The following ITGA11 variants were observed in gnomAD, a reference collection of about 807,000 sequenced individuals.
ITGA11 encodes the protein integrin alpha-11.
In ITGA11, 97 loss-of-function variants were observed where a neutral mutation model predicts 141.9. That is an observed-to-expected ratio of 0.68 (90% CI 0.58 to 0.81). The LOEUF (loss-of-function observed/expected upper bound fraction) is 0.81. ITGA11 is among the 30% of genes least tolerant of loss of function. ITGA11 has a pLI of 0.00. For synonymous variants in ITGA11, 658 were observed against 624.6 expected (o/e 1.05, Z -0.80); for missense variants, 1,387 against 1,559.2 (o/e 0.89, Z 1.86).
intron 1 of ITGA11, among the ~76,000 whole-genome samples, chr15:68,418,946 C>T (rs1049988964): frequency 1.3e-5 from 2 of 152,012 alleles, no homozygotes; most frequent in Non-Finnish European, 2.9e-5. Flanking sequence ...AGGGCTTTCC[C>T]TCAGACGAGA....
At chr15:68,330,486 CT>C (rs34407903) in intron 15 of ITGA11, among the ~76,000 whole-genome samples, 9,827 of 140,642 alleles carry the variant, frequency 0.07, 934 homozygotes, top group African/African-American at 0.23. Context: ...TACTCAAGGT[CT>C]TTTTTTTTTT....
Position 68,308,833 on chromosome 15 carries a change from A to G in ITGA11, c.3175-1137T>C, listed in dbSNP as rs1211116063. ...GAGCTTGCAGCAGCAGATCATTCAT[A>G]TCAATTTGTGAGGAAAAAAAAAATC... is the stretch of plus-strand genomic sequence containing the variant. On this transcript the variant is annotated intron_variant, in intron 26 of 29. Transcript: ENST00000315757. This position sits in a 1 kb window ranked among gnomAD's most constrained non-coding sequence, Gnocchi z 5.2. Among the ~76,000 whole-genome samples the G allele has an allele frequency of 6.6e-6, 1 of 152,224 alleles. No individual in the cohort carries two copies. The highest frequency in any genetic ancestry group is 1.5e-5 in the Non-Finnish European group (1 of 68,046).
intron 2 of ITGA11, among the ~76,000 whole-genome samples, chr15:68,394,984 G>A (rs1896197635): frequency 6.6e-6 from 1 of 152,168 alleles, no homozygotes; most frequent in Non-Finnish European, 1.5e-5. Context: ...CAGAAGACGG[G>A]TGATTTCTGC....
intron 2 of ITGA11, among the ~76,000 whole-genome samples, chr15:68,386,025 T>C (rs1171373852): frequency 1.3e-5 from 2 of 152,058 alleles, no homozygotes; most frequent in East Asian, 1.9e-4. Flanking sequence ...TCTCTGAGAA[T>C]TGGGGTCTTC....
chr15:68,369,361 GT>G, intron 2 of ITGA11, 77 bp from the exon 3 acceptor site: 1 of 588,590 alleles, frequency 1.7e-6, no homozygotes, highest in Non-Finnish European at 2.9e-6. Flanking sequence ...CTGGTGGGCA[GT>G]GTGGAGGTGA....
chr15:68,398,984 T>C (rs1471492761), intron 2 of ITGA11, among the ~76,000 whole-genome samples: 1 of 151,950 alleles, frequency 6.6e-6, no homozygotes, highest in Non-Finnish European at 1.5e-5. Flanking sequence ...CATTTTCCCC[T>C]AAATTTATCC....
At position 68,322,126 on chromosome 15, in the gene ITGA11, G is replaced by A. The variant is rs983646138; in HGVS notation, c.2323-623C>T. On this transcript the variant is annotated intron_variant, in intron 18 of 29. Transcript: ENST00000315757. The surrounding 1 kb of genome is among the most constrained non-coding windows in gnomAD (Gnocchi z 5.6). The stretch of plus-strand genomic sequence containing the variant: ...AGGGGCCCTGGGGCAGGAGCGGGAC[G>A]GTGAGTCTGGGAAATGATAGGTGGG... Among the ~76,000 whole-genome samples, 6 of 152,154 alleles carry A rather than the reference G, an allele frequency of 3.9e-5. No individual in the cohort carries two copies. Among genetic ancestry groups the A allele is most frequent in the African/African-American group, 7.2e-5 (3 of 41,432 alleles).
At chr15:68,426,580 C>A (rs545376181) in intron 1 of ITGA11, among the ~76,000 whole-genome samples, 1 of 152,150 alleles carries the variant, frequency 6.6e-6, no homozygotes, top group African/African-American at 2.4e-5. Flanking sequence ...GAAGCTGGTG[C>A]CCCTGTGGGG....
chr15:68,398,081 A>G (rs1896366840), intron 2 of ITGA11, among the ~76,000 whole-genome samples: 1 of 151,882 alleles, frequency 6.6e-6, no homozygotes, highest in Admixed American at 6.6e-5. Flanking sequence ...AAGACTAGGA[A>G]GAAACTGCAT....
At chr15:68,344,398 C>T (rs547993673) in intron 10 of ITGA11, among the ~76,000 whole-genome samples, 216 of 152,276 alleles carry the variant, frequency 1.4e-3, no homozygotes, top group African/African-American at 5.0e-3. Flanking sequence ...AGTTCAAATG[C>T]GAAACCCTTA....
chr15:68,378,097 T>C (rs138979417), intron 2 of ITGA11, among the ~76,000 whole-genome samples: 146 of 152,294 alleles, frequency 9.6e-4, no homozygotes, highest in African/African-American at 3.4e-3. Flanking sequence ...TGTCTACATG[T>C]GTAATGTCCC....
rs377444249 is a variant in ITGA11 at position 68,358,562 on chromosome 15, C to T, written c.496G>A (p.Val166Ile). Residue 166 changes from valine (V) to isoleucine (I), a missense_variant, in exon 6 of 30, where the codon GTC (valine) becomes ATC (isoleucine). By Grantham distance (29) the Val-to-Ile change is conservative. Coordinates refer to ENST00000315757, the MANE Select transcript of ITGA11 (RefSeq NM_001004439.2). Reference sequence around the variant, plus strand: ...CTGTTGGAGCCATCCAGGACAATGACGATGTCCATGTAGGTCTGGCACCCT... The same window carrying T: ...CTGTTGGAGCCATCCAGGACAATGATGATGTCCATGTAGGTCTGGCACCCT... ...LQRCQTYMDI[V>I]IVLDGSNSIY... 16 of 1,613,638 alleles carry T rather than the reference C, an allele frequency of 9.9e-6. No individual in the cohort carries two copies. The highest frequency in any genetic ancestry group is 2.7e-5 in the African/African-American group (2 of 74,908).
chr15:68,426,224 G>A (rs1354727126), intron 1 of ITGA11, among the ~76,000 whole-genome samples: 1 of 152,194 alleles, frequency 6.6e-6, no homozygotes, highest in Non-Finnish European at 1.5e-5. Context: ...AATCCCTTTG[G>A]GTAGAACACA....
At chr15:68,387,172 C>T (rs1410382312) in intron 2 of ITGA11, among the ~76,000 whole-genome samples, 1 of 151,952 alleles carries the variant, frequency 6.6e-6, no homozygotes, top group African/African-American at 2.4e-5. Context: ...AGGGAAGGGG[C>T]CTCTGGGTGC....
intron 1 of ITGA11, among the ~76,000 whole-genome samples, chr15:68,403,994 T>C (rs1389481248): frequency 1.3e-5 from 2 of 152,158 alleles, no homozygotes; most frequent in African/African-American, 4.8e-5. Context: ...AGACCTGTCC[T>C]TCCCCCAGGG....
chr15:68,427,277 T>C (rs1292814654), intron 1 of ITGA11, among the ~76,000 whole-genome samples: 1 of 152,202 alleles, frequency 6.6e-6, no homozygotes, highest in Non-Finnish European at 1.5e-5. Context: ...AGCTGAGGGC[T>C]TATTGGGTGC....
chr15:68,319,105 G>A (rs935775576), intron 20 of ITGA11, among the ~76,000 whole-genome samples: 5 of 152,238 alleles, frequency 3.3e-5, no homozygotes, highest in African/African-American at 1.2e-4. Flanking sequence ...GCCTTGGAGA[G>A]CTTTGGGAAA....
At chr15:68,368,563 T>C (rs955915066) in intron 3 of ITGA11, among the ~76,000 whole-genome samples, 1 of 152,228 alleles carries the variant, frequency 6.6e-6, no homozygotes, top group Non-Finnish European at 1.5e-5. Flanking sequence ...CTGAAAGCTC[T>C]TTGGCGAGGA....
intron 10 of ITGA11, chr15:68,340,831 G>A (rs1410995405): frequency 6.6e-6 from 1 of 152,460 alleles, no homozygotes; most frequent in Non-Finnish European, 1.5e-5. Context: ...GCACTTGGAA[G>A]AGGAAGGAAA....
Sources: allele counts gnomAD v4.1 joint callset (sites outside exome capture counted in the v4.1 genomes callset), GRCh38; gene constraint gnomAD v4.1.1; non-coding constraint Gnocchi (gnomAD v3.1); transcripts MANE v1.5; gene names NCBI Gene and HGNC (gene_info 2026-07-23, HGNC 2026-07-21).